RPS6KA2: variants seen among roughly 807,000 people sequenced by gnomAD.
The protein encoded by RPS6KA2 is ribosomal protein S6 kinase A2.
RPS6KA2 carries 42 observed loss-of-function variants against 91.8 expected under a neutral mutation model. The ratio of observed to expected loss-of-function variants is 0.46; its 90% CI spans 0.36 to 0.59. The LOEUF (loss-of-function observed/expected upper bound fraction) is 0.59, where lower values mean the gene tolerates loss of function less well. Among genes scored for constraint, RPS6KA2 ranks in the 20% least tolerant of loss-of-function variants. The pLI, the probability that RPS6KA2 is intolerant of heterozygous loss-of-function variation, is 0.00. For synonymous variants in RPS6KA2, 414 were observed against 393.6 expected, an observed-to-expected ratio of 1.05 and a Z score of -0.61; for missense variants, 798 against 978.5, an observed-to-expected ratio of 0.82 and a Z score of 2.46.
At chr6:166,721,671 C>T (rs1583049512) in intron 2 of RPS6KA2, among the ~76,000 whole-genome samples, 1 of 152,210 alleles carries the variant, frequency 6.6e-6, no homozygotes, top group Admixed American at 6.5e-5. Context: ...GACCGAGTCT[C>T]GGGGACGGGA....
At chr6:166,575,114 C>T (rs1784800313) in intron 1 of RPS6KA2, among the ~76,000 whole-genome samples, 1 of 152,230 alleles carries the variant, frequency 6.6e-6, no homozygotes, top group Non-Finnish European at 1.5e-5. Context: ...CAAAACTAGA[C>T]ATGCAAAACG....
At position 166,580,775 on chromosome 6, in the gene RPS6KA2, C is replaced by T. The variant is rs991328932; in HGVS notation, c.100-41991G>A. Among the ~76,000 whole-genome samples, 6 of 152,062 alleles carry T rather than the reference C, an allele frequency of 3.9e-5. No individual in the cohort carries two copies. In the East Asian group the frequency reaches 7.7e-4, roughly 20 times the overall value. On this transcript the variant is annotated intron_variant, in intron 1 of 20. Transcript: ENST00000265678. ...TGGGGGAACCAGACCCGATTGGACA[C>T]GGACTGGATTTTCATGCGTAGGGGG...
chr6:166,657,741 G>A (rs1245557680), intron 2 of RPS6KA2, among the ~76,000 whole-genome samples: 1 of 152,210 alleles, frequency 6.6e-6, no homozygotes, highest in Non-Finnish European at 1.5e-5. Context: ...TGCCTCAGAG[G>A]TGCAGGCAGA....
rs570412466 is a variant in RPS6KA2, at chr6:166,691,108, C to T, written c.124-152324G>A. ...CTAGAAGATTCAAGCGTTGCCAACT[C>T]ATGCCGGGAGACCTGCGCTCTGTCA... On this transcript the variant is annotated intron_variant, in intron 2 of 21. Coordinates refer to the RPS6KA2 transcript ENST00000503859. Among the ~76,000 whole-genome samples the T allele has an allele frequency of 5.3e-4, 81 of 152,226 alleles. 1 individual carries two copies. The highest frequency in any genetic ancestry group is 1.9e-3 in the African/African-American group (78 of 41,524).
At chr6:166,454,220 C>A (rs1780011263) in intron 12 of RPS6KA2, among the ~76,000 whole-genome samples, 1 of 152,198 alleles carries the variant, frequency 6.6e-6, no homozygotes, top group Non-Finnish European at 1.5e-5. Flanking sequence ...ATAAAACAGG[C>A]TGGGCGCGGT....
chr6:166,436,182 T>C (rs1481163758), intron 14 of RPS6KA2, among the ~76,000 whole-genome samples: 1 of 152,192 alleles, frequency 6.6e-6, no homozygotes, highest in African/African-American at 2.4e-5. Flanking sequence ...TAAGCAGCTG[T>C]GACCTGCCAC....
chr6:166,490,503 C>T lies in RPS6KA2; in HGVS notation c.818+168G>A, dbSNP rs1051311493. Among the ~76,000 whole-genome samples, 9 of 152,310 alleles carry T rather than the reference C, an allele frequency of 5.9e-5. No homozygotes were observed. In the South Asian group the frequency reaches 6.2e-4, roughly 11 times the overall value. On this transcript the variant is annotated intron_variant, in intron 9 of 20. Transcript: ENST00000265678. The surrounding 1 kb of genome is among the most constrained non-coding windows in gnomAD (Gnocchi z 4.2). ...ATTACCACTGCTACTGGCGGACGAGCGCTACCATTTTGTGTAAAACCAGTG... is the reference window on the plus strand; with the variant it reads ...ATTACCACTGCTACTGGCGGACGAGTGCTACCATTTTGTGTAAAACCAGTG...
At chr6:166,695,638 G>A (rs956614199) in intron 2 of RPS6KA2, among the ~76,000 whole-genome samples, 2 of 152,268 alleles carry the variant, frequency 1.3e-5, no homozygotes, top group African/African-American at 4.8e-5. Context: ...CCTGAGCTCT[G>A]CCTCCTGTCA....
chr6:166,841,239 T>C (rs1289480764), intron 2 of RPS6KA2, among the ~76,000 whole-genome samples: 1 of 151,430 alleles, frequency 6.6e-6, no homozygotes, highest in Non-Finnish European at 1.5e-5. Context: ...AGTGACAGAG[T>C]GAGATCGTGT....
chr6:166,505,842 C>G (rs1051104222), intron 5 of RPS6KA2, among the ~76,000 whole-genome samples: 2 of 152,250 alleles, frequency 1.3e-5, no homozygotes, highest in African/African-American at 4.8e-5. Flanking sequence ...GCTCAGTGGA[C>G]TGACTGACAG....
rs545786579 is a variant in RPS6KA2, at chr6:166,443,478, C to A, written c.1332+5246G>T. 1.1e-4 allele frequency among the ~76,000 whole-genome samples: 16 copies of A among 152,324 alleles called. No homozygotes were observed. In the South Asian group the frequency reaches 3.3e-3, roughly 32 times the overall value. ...AAAAATATGTGAGAACCACAAGATA[C>A]CATTTTTTACTGCTATTCCCAATTC... On this transcript the variant is annotated intron_variant, in intron 14 of 20. Coordinates refer to ENST00000265678, the MANE Select transcript of RPS6KA2 (RefSeq NM_021135.6).
chr6:166,415,748 G>A (rs1000804159), intron 19 of RPS6KA2, among the ~76,000 whole-genome samples: 1 of 152,108 alleles, frequency 6.6e-6, no homozygotes, highest in Non-Finnish European at 1.5e-5. Context: ...CAAAGTGAGG[G>A]TGTGGACAGG....
chr6:166,572,632 C>T (rs898319390), intron 1 of RPS6KA2, among the ~76,000 whole-genome samples: 9 of 152,256 alleles, frequency 5.9e-5, no homozygotes, highest in East Asian at 3.9e-4. Context: ...AGCTCCTCCA[C>T]GCTCCACTGG....
chr6:166,558,366 T>C (rs1223235730), intron 1 of RPS6KA2, among the ~76,000 whole-genome samples: 2 of 152,208 alleles, frequency 1.3e-5, no homozygotes. Flanking sequence ...GTTCAGACTT[T>C]GGCTGGTGGA....
Position 166,733,710 on chromosome 6 carries a change from G to T in RPS6KA2, c.123+124490C>A, listed in dbSNP as rs560923425. On this transcript the variant is annotated intron_variant, in intron 2 of 21. Transcript: ENST00000503859. This position sits in a 1 kb window ranked among gnomAD's most constrained non-coding sequence, Gnocchi z 4.1. ...CCAGGCACAGGTCACATTTCAGCGG[G>T]TTCCGGAGCTCACTCTAAGTGGGGA... Among the ~76,000 whole-genome samples, 5 of 152,324 alleles carry T rather than the reference G, an allele frequency of 3.3e-5. No individual in the cohort carries two copies. The East Asian group carries it at 9.6e-4, about 29-fold the overall frequency.
intron 1 of RPS6KA2, among the ~76,000 whole-genome samples, chr6:166,621,197 G>A (rs1335097255): frequency 2.0e-5 from 3 of 152,218 alleles, no homozygotes; most frequent in Non-Finnish European, 4.4e-5. Context: ...ATATGCAAAT[G>A]ACTGCATAAC....
intron 8 of RPS6KA2, among the ~76,000 whole-genome samples, chr6:166,491,761 A>G (rs1781593879): frequency 1.3e-5 from 2 of 152,266 alleles, no homozygotes; most frequent in African/African-American, 4.8e-5. Context: ...AAAATCACGC[A>G]GAATTCCATT....
chr6:166,412,929 T>G lies in RPS6KA2; in HGVS notation c.2077-42A>C. 6.6e-7 allele frequency: 1 copy of G among 1,520,398 alleles called. No homozygotes were observed. The highest frequency in any genetic ancestry group is 8.9e-7 in the Non-Finnish European group (1 of 1,129,296). 94.2% of individuals were successfully genotyped at this position (1,520,398 alleles called of 1,614,324 possible). ...AAGGGTGAGAGCCGCGGCGCCTCAC[T>G]CCAGGGGTTGAGCCGGAGCCCGGGG... On this transcript the variant is annotated intron_variant, in intron 20 of 20. Coordinates refer to ENST00000265678, the MANE Select transcript of RPS6KA2 (RefSeq NM_021135.6). This position sits in a 1 kb window ranked among gnomAD's most constrained non-coding sequence, Gnocchi z 4.3.
At chr6:166,541,572 T>C (rs753887289) in intron 1 of RPS6KA2, among the ~76,000 whole-genome samples, 10 of 152,246 alleles carry the variant, frequency 6.6e-5, no homozygotes, top group Non-Finnish European at 1.5e-4. Context: ...ACCTCAGAAT[T>C]CCCATGGGTG....
Sources: allele counts gnomAD v4.1 joint callset (sites outside exome capture counted in the v4.1 genomes callset), GRCh38; gene constraint gnomAD v4.1.1; non-coding constraint Gnocchi (gnomAD v3.1); transcripts MANE v1.5; gene names NCBI Gene and HGNC (gene_info 2026-07-23, HGNC 2026-07-21).